Variants in KCNH8 observed in about 807,000 individuals in gnomAD.
The protein encoded by KCNH8 is voltage-gated delayed rectifier potassium channel KCNH8.
In KCNH8, 70 loss-of-function variants were observed where a neutral mutation model predicts 103.6. The ratio of observed to expected loss-of-function variants is 0.68; its 90% CI spans 0.56 to 0.82. KCNH8 has a LOEUF of 0.82. KCNH8 is among the 40% of genes least tolerant of loss of function. The pLI is 0.00. For missense variants in KCNH8, 1,217 were observed against 1,329.9 expected, an observed-to-expected ratio of 0.92 and a Z score of 1.32; for synonymous variants, 498 against 489.4, an observed-to-expected ratio of 1.02 and a Z score of -0.23.
At chr3:19,465,935 TTTA>T (rs1398323968) in intron 11 of KCNH8, among the ~76,000 whole-genome samples, 3 of 151,922 alleles carry the variant, frequency 2.0e-5, no homozygotes, top group Admixed American at 6.6e-5. Context: ...TTTATTTTAT[TTTA>T]TTTATTTATT....
At chr3:19,293,276 A>G (rs1559463170) in intron 3 of KCNH8, among the ~76,000 whole-genome samples, 2 of 152,146 alleles carry the variant, frequency 1.3e-5, no homozygotes, top group African/African-American at 4.8e-5. Flanking sequence ...CTCCAAGGAA[A>G]CAAGTGAGAC....
At chr3:19,209,297 A>G (rs2063746757) in intron 1 of KCNH8, among the ~76,000 whole-genome samples, 1 of 152,106 alleles carries the variant, frequency 6.6e-6, no homozygotes, top group Non-Finnish European at 1.5e-5. Flanking sequence ...TTTAGTGCTT[A>G]GAAGTTACTA....
At chr3:19,390,943 T>C (rs560211182) in intron 6 of KCNH8, among the ~76,000 whole-genome samples, 23 of 152,264 alleles carry the variant, frequency 1.5e-4, no homozygotes, top group African/African-American at 5.3e-4. Flanking sequence ...TGTAGGAATT[T>C]AAGCATCACT....
intron 7 of KCNH8, among the ~76,000 whole-genome samples, chr3:19,398,725 A>G (rs1034837671): frequency 6.6e-6 from 1 of 151,996 alleles, no homozygotes; most frequent in African/African-American, 2.4e-5. Flanking sequence ...GTATTAAATT[A>G]GGCAACATAT....
chr3:19,365,580 A>G (rs1030164438), intron 5 of KCNH8, among the ~76,000 whole-genome samples: 2 of 152,066 alleles, frequency 1.3e-5, no homozygotes, highest in Admixed American at 1.3e-4. Context: ...ATCTCTATGA[A>G]AAATATATTT....
intron 11 of KCNH8, among the ~76,000 whole-genome samples, chr3:19,495,669 T>C (rs113329041): frequency 0.016 from 2,361 of 152,314 alleles, 65 homozygotes; most frequent in African/African-American, 0.054. Flanking sequence ...TTGCTTAGGA[T>C]TGCCTTTGCT....
At chr3:19,503,499 T>C (rs1010298957) in intron 11 of KCNH8, among the ~76,000 whole-genome samples, 1 of 152,162 alleles carries the variant, frequency 6.6e-6, no homozygotes, top group Non-Finnish European at 1.5e-5. Context: ...TGCAGCATTA[T>C]CCACAATAGC....
chr3:19,306,197 A>G (rs2065127928), intron 3 of KCNH8, among the ~76,000 whole-genome samples: 2 of 152,218 alleles, frequency 1.3e-5, no homozygotes, highest in African/African-American at 4.8e-5. Flanking sequence ...GAATTCACCG[A>G]TTAGGATGGC....
chr3:19,285,894 C>A (rs906325426), intron 3 of KCNH8, among the ~76,000 whole-genome samples: 13 of 152,120 alleles, frequency 8.5e-5, no homozygotes, highest in African/African-American at 3.1e-4. Flanking sequence ...GACAAGGAAG[C>A]AAGATAGAGC....
intron 11 of KCNH8, among the ~76,000 whole-genome samples, chr3:19,460,178 C>A (rs1047090855): frequency 2.0e-5 from 3 of 152,072 alleles, no homozygotes; most frequent in Admixed American, 6.6e-5. Context: ...GTTAAGGTGG[C>A]ATATTTCAAT....
At chr3:19,302,708 C>T (rs1027903072) in intron 3 of KCNH8, among the ~76,000 whole-genome samples, 1 of 152,178 alleles carries the variant, frequency 6.6e-6, no homozygotes, top group Non-Finnish European at 1.5e-5. Context: ...CTGCTTCCTA[C>T]TTAGACTCTC....
In KCNH8 at chr3:19,515,400, A is replaced by G; in HGVS notation, c.2514A>G (p.Ser838=). Residue 838 remains serine, a synonymous_variant, in exon 14 of 16, where the codon TCA becomes TCG. Transcript: ENST00000328405. ...ATTTTGGCTCTGAACGAATCAGATC[A>G]GAGCCCAGAATTTCTCCTCCTCTTG... The part of the protein sequence containing the change: ...TFDFGSERIR[S]EPRISPPLGD... 1 of 1,557,728 alleles carries G rather than the reference A, an allele frequency of 6.4e-7. No homozygotes were observed. Among genetic ancestry groups the G allele is most frequent in the Non-Finnish European group, 8.7e-7 (1 of 1,152,416 alleles).
At chr3:19,169,247 C>G (rs867780926) in intron 1 of KCNH8, among the ~76,000 whole-genome samples, 11 of 144,040 alleles carry the variant, frequency 7.6e-5, no homozygotes, top group African/African-American at 2.1e-4. Flanking sequence ...TCTTTTGTTT[C>G]TTTCTTTCTT....
rs533248946 is a variant in KCNH8 at position 19,168,049 on chromosome 3, C to T, written c.76+19254C>T. On this transcript the variant is annotated intron_variant, in intron 1 of 15. Coordinates refer to ENST00000328405, the MANE Select transcript of KCNH8 (RefSeq NM_144633.3). ...TTTTAAGATGGAGTTTCACTATTGTCACCCAGGCTGGAGTGCAGTGGCGCG... is the reference window on the plus strand; with the variant it reads ...TTTTAAGATGGAGTTTCACTATTGTTACCCAGGCTGGAGTGCAGTGGCGCG... Among the ~76,000 whole-genome samples, 8 of 150,360 alleles carry T rather than the reference C, an allele frequency of 5.3e-5. No individual in the cohort carries two copies. In the South Asian group the frequency reaches 1.7e-3, roughly 32 times the overall value.
chr3:19,275,241 T>C (rs376962508), intron 2 of KCNH8, among the ~76,000 whole-genome samples: 46 of 152,118 alleles, frequency 3.0e-4, no homozygotes, highest in African/African-American at 9.4e-4. Context: ...CAACTCAATA[T>C]AGTATGCGTA....
chr3:19,479,025 C>T (rs1281442263), intron 11 of KCNH8, among the ~76,000 whole-genome samples: 1 of 152,040 alleles, frequency 6.6e-6, no homozygotes, highest in East Asian at 1.9e-4. Context: ...GCATTACCTC[C>T]TCTATCAGAA....
At chr3:19,427,051 G>A (rs1575054017) in intron 7 of KCNH8, among the ~76,000 whole-genome samples, 1 of 152,172 alleles carries the variant, frequency 6.6e-6, no homozygotes, top group East Asian at 1.9e-4. Context: ...GACATGGCCA[G>A]GAACAGAAAC....
chr3:19,292,689 C>G (rs1053436413), intron 3 of KCNH8, among the ~76,000 whole-genome samples: 1 of 152,156 alleles, frequency 6.6e-6, no homozygotes, highest in Non-Finnish European at 1.5e-5. Context: ...CCCTTCTGCT[C>G]TGCTGTCCTT....
chr3:19,490,057 G>A (rs1055342907), intron 11 of KCNH8, among the ~76,000 whole-genome samples: 2 of 152,194 alleles, frequency 1.3e-5, no homozygotes, highest in Non-Finnish European at 2.9e-5. Context: ...CCACCGCTCT[G>A]ACGAGGCGTT....
Sources: gnomAD v4.1 joint callset for allele counts (sites outside exome capture counted in the v4.1 genomes callset) on GRCh38, gnomAD v4.1.1 for gene constraint, MANE v1.5 for transcripts, NCBI Gene and HGNC (gene_info 2026-07-23, HGNC 2026-07-21) for gene names.